The following SLC24A3 variants were observed in gnomAD, a reference collection of about 807,000 sequenced individuals.
SLC24A3 encodes the protein solute carrier family 24 member 3, also known as sodium/potassium/calcium exchanger 3.
In SLC24A3, 28 loss-of-function variants were observed where a neutral mutation model predicts 75.8. The observed-to-expected ratio is 0.37, with a 90% CI of 0.27 to 0.51. The LOEUF is 0.51. Among genes scored for constraint, SLC24A3 ranks in the 20% least tolerant of loss-of-function variants. The probability of loss-of-function intolerance (pLI) is 0.94; values close to 1 mark genes in which losing one functional copy is unlikely to be tolerated. For synonymous variants in SLC24A3, 372 were observed against 334.1 expected (o/e 1.11, Z -1.24); for missense variants, 663 against 847.8 (o/e 0.78, Z 2.71).
intron 15 of SLC24A3, among the ~76,000 whole-genome samples, chr20:19,714,416 A>C (rs1449117419): frequency 1.4e-4 from 18 of 132,820 alleles, no homozygotes; most frequent in Admixed American, 4.1e-4. Flanking sequence ...AAAAAAAAAA[A>C]AAAAAAAAAA....
intron 3 of SLC24A3, among the ~76,000 whole-genome samples, chr20:19,535,140 A>C (rs1287349926): frequency 6.6e-6 from 1 of 152,230 alleles, no homozygotes; most frequent in Non-Finnish European, 1.5e-5. Flanking sequence ...AGGCTCATTA[A>C]TTGATCTCAG....
intron 2 of SLC24A3, among the ~76,000 whole-genome samples, chr20:19,459,934 A>G (rs566554468): frequency 2.6e-5 from 4 of 152,268 alleles, no homozygotes; most frequent in Admixed American, 6.5e-5. Context: ...AGGTCTTGTC[A>G]CTTTGCAGAT....
At chr20:19,570,828 G>A (rs902999671) in intron 3 of SLC24A3, among the ~76,000 whole-genome samples, 2 of 152,260 alleles carry the variant, frequency 1.3e-5, no homozygotes, top group South Asian at 2.1e-4. Flanking sequence ...TCCAATTAGA[G>A]GTTAGTGAGA....
chr20:19,219,549 G>T (rs1283632824), intron 1 of SLC24A3, among the ~76,000 whole-genome samples: 1 of 152,114 alleles, frequency 6.6e-6, no homozygotes, highest in Non-Finnish European at 1.5e-5. Flanking sequence ...GAGAAATACA[G>T]CATGGCATGG....
chr20:19,618,425 G>A (rs1271670021), intron 6 of SLC24A3, among the ~76,000 whole-genome samples: 1 of 152,098 alleles, frequency 6.6e-6, no homozygotes, highest in Non-Finnish European at 1.5e-5. Context: ...TTCCCTCTGT[G>A]CATGTATCCT....
intron 6 of SLC24A3, among the ~76,000 whole-genome samples, chr20:19,619,950 T>C (rs925326069): frequency 6.6e-6 from 1 of 152,168 alleles, no homozygotes; most frequent in East Asian, 1.9e-4. Flanking sequence ...ACCTATGGTT[T>C]TAAGATACTT....
chr20:19,506,005 A>G (rs1453073686), intron 2 of SLC24A3, among the ~76,000 whole-genome samples: 1 of 152,222 alleles, frequency 6.6e-6, no homozygotes, highest in Non-Finnish European at 1.5e-5. Flanking sequence ...TAGGTATTGC[A>G]TATTTCATAA....
At chr20:19,270,059 G>A (rs1983279939) in intron 1 of SLC24A3, among the ~76,000 whole-genome samples, 1 of 152,128 alleles carries the variant, frequency 6.6e-6, no homozygotes, top group Admixed American at 6.5e-5. Flanking sequence ...GCCTGATTGG[G>A]AGTCCCTGGG....
At chr20:19,563,883 G>A (rs560547041) in intron 3 of SLC24A3, among the ~76,000 whole-genome samples, 11 of 152,290 alleles carry the variant, frequency 7.2e-5, no homozygotes, top group African/African-American at 2.4e-4. Flanking sequence ...GATAACCCTC[G>A]GAAAGGCTCA....
At chr20:19,441,282 G>A (rs117979979) in intron 2 of SLC24A3, among the ~76,000 whole-genome samples, 10 of 152,256 alleles carry the variant, frequency 6.6e-5, no homozygotes, top group Admixed American at 2.6e-4. Context: ...CCTAGGGGCC[G>A]GAAGTAATGA....
chr20:19,507,354 T>C (rs1298929908), intron 2 of SLC24A3, among the ~76,000 whole-genome samples: 3 of 152,218 alleles, frequency 2.0e-5, no homozygotes, highest in Non-Finnish European at 4.4e-5. Context: ...GCAAGGACCA[T>C]ATGCATTTCT....
intron 1 of SLC24A3, among the ~76,000 whole-genome samples, chr20:19,255,196 A>G (rs1460148982): frequency 1.3e-5 from 2 of 152,246 alleles, no homozygotes; most frequent in Non-Finnish European, 2.9e-5. Flanking sequence ...CAGGAGATGT[A>G]TGTATTGTTC....
intron 3 of SLC24A3, among the ~76,000 whole-genome samples, chr20:19,537,153 C>T (rs1253783061): frequency 6.6e-6 from 1 of 152,172 alleles, no homozygotes; most frequent in African/African-American, 2.4e-5. Context: ...TATCCAGAAT[C>T]TACAATGAAC....
chr20:19,656,860 G>C (rs1013170890), intron 7 of SLC24A3, among the ~76,000 whole-genome samples: 1 of 152,222 alleles, frequency 6.6e-6, no homozygotes, highest in Non-Finnish European at 1.5e-5. Context: ...GAAATCACTT[G>C]TCTTCTGTTC....
At chr20:19,543,074 T>C (rs1408263255) in intron 3 of SLC24A3, among the ~76,000 whole-genome samples, 4 of 152,198 alleles carry the variant, frequency 2.6e-5, no homozygotes, top group Non-Finnish European at 4.4e-5. Context: ...GGGATTTTTA[T>C]TATAATGATC....
At chr20:19,253,339 T>C (rs1375670371) in intron 1 of SLC24A3, among the ~76,000 whole-genome samples, 1 of 152,266 alleles carries the variant, frequency 6.6e-6, no homozygotes, top group Non-Finnish European at 1.5e-5. Context: ...GAAATTGTTT[T>C]AGACTCTGGG....
chr20:19,261,864 A>T (rs1983000682), intron 1 of SLC24A3: 1 of 152,238 alleles, frequency 6.6e-6, no homozygotes, highest in South Asian at 2.1e-4. Context: ...ATAAGTCATG[A>T]GGCTTCACAC....
At chr20:19,581,688 A>T (rs1309508308) in intron 4 of SLC24A3, among the ~76,000 whole-genome samples, 1 of 152,202 alleles carries the variant, frequency 6.6e-6, no homozygotes, top group Non-Finnish European at 1.5e-5. Context: ...GACTGATATT[A>T]TCCCCTCTTT....
At chr20:19,460,310 T>C (rs1431383164) in intron 2 of SLC24A3, among the ~76,000 whole-genome samples, 1 of 152,134 alleles carries the variant, frequency 6.6e-6, no homozygotes. Flanking sequence ...AGTTACCCTA[T>C]AGGCCAGTGC....
Sources: gnomAD v4.1 joint callset for allele counts (sites outside exome capture counted in the v4.1 genomes callset) on GRCh38, gnomAD v4.1.1 for gene constraint, MANE v1.5 for transcripts, NCBI Gene and HGNC (gene_info 2026-07-23, HGNC 2026-07-21) for gene names.